BTRC: variants seen among roughly 807,000 people sequenced by gnomAD.
The protein encoded by BTRC is beta-transducin repeat containing E3 ubiquitin protein ligase, also known as F-box/WD repeat-containing protein 1A.
BTRC carries 42 observed loss-of-function variants against 85.5 expected under a neutral mutation model. That is an observed-to-expected ratio of 0.49 (90% CI 0.38 to 0.64). The LOEUF (loss-of-function observed/expected upper bound fraction) is 0.64, where lower values mean the gene tolerates loss of function less well. Ranked by LOEUF, BTRC falls within the 30% of genes least tolerant of loss-of-function variation. The pLI, the probability that BTRC is intolerant of heterozygous loss-of-function variation, is 0.00. For missense variants in BTRC, 594 were observed against 743.5 expected, an observed-to-expected ratio of 0.80 and a Z score of 2.34; for synonymous variants, 255 against 263.3, an observed-to-expected ratio of 0.97 and a Z score of 0.30.
At chr10:101,464,763 CTT>C (rs1336369277) in intron 3 of BTRC, among the ~76,000 whole-genome samples, 3 of 152,126 alleles carry the variant, frequency 2.0e-5, no homozygotes, top group Non-Finnish European at 4.4e-5. Context: ...CCCTCAGAGT[CTT>C]TTAGCTTCTG....
chr10:101,527,270 G>A (rs1162096648), intron 6 of BTRC, among the ~76,000 whole-genome samples: 1 of 152,120 alleles, frequency 6.6e-6, no homozygotes, highest in African/African-American at 2.4e-5. Context: ...TCATGAAAAA[G>A]TAGTTGGCTC....
chr10:101,513,357 G>A (rs1172280090), intron 4 of BTRC, among the ~76,000 whole-genome samples: 1 of 152,118 alleles, frequency 6.6e-6, no homozygotes, highest in East Asian at 1.9e-4. Context: ...ATAGTTCAAT[G>A]AATGTTGGCA....
chr10:101,535,064 G>GAC (rs1341619750), intron 10 of BTRC, among the ~76,000 whole-genome samples, 154 bp downstream of exon 10: 2 of 152,186 alleles, frequency 1.3e-5, no homozygotes, highest in African/African-American at 2.4e-5. Context: ...TAATAAGTGA[G>GAC]ACGTTGTGTG....
chr10:101,464,991 A>C (rs1480803946), intron 3 of BTRC, among the ~76,000 whole-genome samples: 1 of 151,998 alleles, frequency 6.6e-6, no homozygotes, highest in African/African-American at 2.4e-5. Context: ...GAACTTGATT[A>C]CCCCATTGCT....
chr10:101,449,470 T>C (rs945779857), intron 2 of BTRC, among the ~76,000 whole-genome samples: 1 of 152,098 alleles, frequency 6.6e-6, no homozygotes, highest in Non-Finnish European at 1.5e-5. Context: ...AATGTTTGCC[T>C]CTTAATTTAC....
At chr10:101,458,814 A>G (rs75194243) in intron 2 of BTRC, among the ~76,000 whole-genome samples, 20,898 of 152,186 alleles carry the variant, frequency 0.14, 1,836 homozygotes, top group Non-Finnish European at 0.2. Flanking sequence ...ATTAAAAGGC[A>G]CATAATCTTA....
intron 2 of BTRC, among the ~76,000 whole-genome samples, chr10:101,443,973 A>G (rs1944758873): frequency 6.6e-6 from 1 of 152,232 alleles, no homozygotes; most frequent in Non-Finnish European, 1.5e-5. Flanking sequence ...TTATACATGT[A>G]TTAAGTACTT....
chr10:101,504,442 C>T (rs1946467528), intron 4 of BTRC, among the ~76,000 whole-genome samples: 1 of 151,774 alleles, frequency 6.6e-6, no homozygotes, highest in South Asian at 2.1e-4. Flanking sequence ...TAGCCATCTC[C>T]CTCCATCTCT....
Position 101,453,100 on chromosome 10 carries a change from G to A in BTRC, c.157-8881G>A, listed in dbSNP as rs184966556. Reference sequence around the variant, plus strand: ...TTAACCTTGTAAAATAATAATTTCTGTTTTTGTAAATTGTAAATTTATATT... The same window carrying A: ...TTAACCTTGTAAAATAATAATTTCTATTTTTGTAAATTGTAAATTTATATT... On this transcript the variant is annotated intron_variant, in intron 2 of 14. Coordinates refer to ENST00000370187, the MANE Select transcript of BTRC (RefSeq NM_033637.4). 4.1e-4 allele frequency among the ~76,000 whole-genome samples: 62 copies of A among 152,020 alleles called. 1 individual carries two copies. The East Asian group carries it at 8.1e-3, about 20-fold the overall frequency.
At position 101,393,471 on chromosome 10, in the gene BTRC, C is replaced by G. The variant is rs183720041; in HGVS notation, c.49-36874C>G. 2.0e-5 allele frequency among the ~76,000 whole-genome samples: 3 copies of G among 152,188 alleles called. No homozygotes were observed. The East Asian group carries it at 5.8e-4, about 29-fold the overall frequency. On this transcript the variant is annotated intron_variant, in intron 1 of 14. Coordinates refer to ENST00000370187, the MANE Select transcript of BTRC (RefSeq NM_033637.4). ...AGCTCTCAAGATGAGGCCCGAGGCTCTCTTTTAAGGGGTGTTCTGGATAAG... is the reference window on the plus strand; with the variant it reads ...AGCTCTCAAGATGAGGCCCGAGGCTGTCTTTTAAGGGGTGTTCTGGATAAG...
chr10:101,469,542 A>G (rs1433192263), intron 3 of BTRC, among the ~76,000 whole-genome samples: 1 of 152,218 alleles, frequency 6.6e-6, no homozygotes, highest in Non-Finnish European at 1.5e-5. Flanking sequence ...TAGTATTTTC[A>G]GAAAAATAGC....
At chr10:101,458,071 A>G (rs1039565985) in intron 2 of BTRC, among the ~76,000 whole-genome samples, 7 of 152,326 alleles carry the variant, frequency 4.6e-5, no homozygotes, top group South Asian at 2.1e-4. Context: ...GTTTCCAGAA[A>G]AACAAAGACA....
intron 5 of BTRC, among the ~76,000 whole-genome samples, chr10:101,522,931 CACGG>C (rs2062139416): frequency 6.6e-6 from 1 of 152,102 alleles, no homozygotes; most frequent in African/African-American, 2.4e-5. Context: ...ATGGGTTGGG[CACGG>C]TGGCTCAGGC....
At chr10:101,541,400 C>T (rs967760899) in intron 13 of BTRC, among the ~76,000 whole-genome samples, 4 of 152,140 alleles carry the variant, frequency 2.6e-5, no homozygotes, top group African/African-American at 9.7e-5. Context: ...GCTGGGACTA[C>T]AGGCACGTGC....
intron 1 of BTRC, among the ~76,000 whole-genome samples, chr10:101,420,729 C>G (rs948426840): frequency 6.6e-6 from 1 of 151,948 alleles, no homozygotes; most frequent in African/African-American, 2.4e-5. Context: ...TACTTGGACT[C>G]CAAAAGCCTG....
intron 2 of BTRC, among the ~76,000 whole-genome samples, chr10:101,442,343 C>T (rs961365314): frequency 1.4e-5 from 2 of 138,030 alleles, no homozygotes; most frequent in South Asian, 2.2e-4. Flanking sequence ...CCAACCTTAA[C>T]GGGAGAGACT....
chr10:101,379,993 G>T (rs1422835199), intron 1 of BTRC, among the ~76,000 whole-genome samples: 10 of 152,144 alleles, frequency 6.6e-5, no homozygotes, highest in Non-Finnish European at 1.5e-4. Flanking sequence ...ACATCTGTTT[G>T]CTGAATGGAC....
chr10:101,532,970 T>G lies in BTRC; in HGVS notation c.997T>G (p.Leu333Val). The change falls in exon 9 of 15, where the codon TTG (leucine) becomes GTG (valine). Residue 333 changes from leucine (L) to valine (V), a missense_variant. Physicochemically the swap from Leu to Val is conservative, Grantham distance 32 (BLOSUM62 1). This residue lies in a region of BTRC where 373 missense variants were observed against 503.6 expected (regional missense o/e 0.74). Transcript: ENST00000370187. The part of the protein sequence containing the change: ...NTIKIWDKNT[L>V]ECKRILTGHT... ...ATCCTAGATCTGGGATAAAAACACA[T>G]TGGAATGCAAGCGAATTCTCACAGG... 1 of 1,612,226 alleles carries G rather than the reference T, an allele frequency of 6.2e-7. No homozygotes were observed. The highest frequency in any genetic ancestry group is 8.5e-7 in the Non-Finnish European group (1 of 1,178,802).
rs1417843368 is a variant in BTRC at position 101,534,671 on chromosome 10, G to A, written c.1108G>A (p.Val370Ile). The A allele has an allele frequency of 6.2e-7, 1 of 1,614,178 alleles. No individual in the cohort carries two copies. Among genetic ancestry groups the A allele is most frequent in the Non-Finnish European group, 8.5e-7 (1 of 1,180,016 alleles). The change falls in exon 10 of 15, where the codon GTA (valine) becomes ATA (isoleucine). Residue 370 changes from valine (V) to isoleucine (I), a missense_variant. Physicochemically the swap from Val to Ile is conservative, Grantham distance 29 (BLOSUM62 3). Around this residue, in one of 4 missense-constraint regions of BTRC, gnomAD observed 373 missense variants for 503.6 expected, o/e 0.74. Transcript: ENST00000370187. ...ATCTATCACTTCCAGAGTGTGGGAT[G>A]TAAATACAGGTGAAATGCTAAACAC... ...SSDSTVRVWD[V>I]NTGEMLNTLI...
Sources: allele counts gnomAD v4.1 joint callset (sites outside exome capture counted in the v4.1 genomes callset), GRCh38; gene constraint gnomAD v4.1.1; regional missense constraint gnomAD v4.1.1; transcripts MANE v1.5; gene names NCBI Gene and HGNC (gene_info 2026-07-23, HGNC 2026-07-21).